The following KCNH5 variants were observed in gnomAD, a reference collection of about 807,000 sequenced individuals.
The protein encoded by KCNH5 is voltage-gated delayed rectifier potassium channel KCNH5.
A neutral mutation model predicts 96.1 loss-of-function variants in KCNH5; 46 were observed. The ratio of observed to expected loss-of-function variants is 0.48; its 90% confidence interval spans 0.38 to 0.61. KCNH5 has a LOEUF of 0.61. Ranked by LOEUF, KCNH5 falls within the 20% of genes least tolerant of loss-of-function variation. KCNH5 has a pLI of 0.00. For missense variants in KCNH5, 907 were observed against 1,225.8 expected, an observed-to-expected ratio of 0.74 and a Z score of 3.88; for synonymous variants, 439 against 449.8, an observed-to-expected ratio of 0.98 and a Z score of 0.30.
At chr14:62,909,713 CCA>C (rs1889112352) in intron 7 of KCNH5, among the ~76,000 whole-genome samples, 1 of 151,988 alleles carries the variant, frequency 6.6e-6, no homozygotes, top group Non-Finnish European at 1.5e-5. Context: ...TGCTCACCCG[CCA>C]CCCACACCCC....
chr14:62,979,518 C>A lies in KCNH5; in HGVS notation c.942+1354G>T, dbSNP rs567653570. Among the ~76,000 whole-genome samples, 219 of 151,972 alleles carry A rather than the reference C, an allele frequency of 1.4e-3. 2 individuals are homozygous for A. The highest frequency in any genetic ancestry group is 5.0e-3 in the African/African-American group (207 of 41,488). Reference sequence around the variant, plus strand: ...AGAAAAGTTTCAATCTATCTCCCAACACACATAGAGAAATAATATATTACA... The same window carrying A: ...AGAAAAGTTTCAATCTATCTCCCAAAACACATAGAGAAATAATATATTACA... On this transcript the variant is annotated intron_variant, in intron 6 of 10. Coordinates refer to ENST00000322893, the MANE Select transcript of KCNH5 (RefSeq NM_139318.5).
chr14:62,786,424 A>T (rs928572584), intron 9 of KCNH5, among the ~76,000 whole-genome samples: 1 of 152,144 alleles, frequency 6.6e-6, no homozygotes, highest in Non-Finnish European at 1.5e-5. Context: ...TTGAGATTTA[A>T]CATGTAACAT....
chr14:63,020,006 C>A (rs900031576), intron 1 of KCNH5, among the ~76,000 whole-genome samples: 1 of 151,972 alleles, frequency 6.6e-6, no homozygotes. Flanking sequence ...TCAAAATAAG[C>A]AAGTAACTTA....
At chr14:62,712,234 C>A in intron 10 of KCNH5, 1 of 157,950 alleles carries the variant, frequency 6.3e-6, no homozygotes, top group Admixed American at 6.1e-5. Context: ...TTTGAATTGA[C>A]TTTATAGGAT....
chr14:62,950,032 C>T (rs753857233), intron 7 of KCNH5, 101 bp downstream of exon 7: 1 of 958,576 alleles, frequency 1.0e-6, no homozygotes, highest in South Asian at 1.6e-5. Flanking sequence ...GGATTAAATA[C>T]CTTTCTGTAA....
At position 62,752,074 on chromosome 14, in the gene KCNH5, A is replaced by G. The variant is rs368305916; in HGVS notation, c.2019+27654T>C. Among the ~76,000 whole-genome samples, 28 of 152,242 alleles carry G rather than the reference A, an allele frequency of 1.8e-4. 1 individual carries two copies. In the South Asian group the frequency reaches 5.8e-3, roughly 32 times the overall value. On this transcript the variant is annotated intron_variant, in intron 10 of 10. Coordinates refer to ENST00000322893, the MANE Select transcript of KCNH5 (RefSeq NM_139318.5). ...ATTCCTTCATCCCTTCCAACCAACA[A>G]GTGACCACATAATCTCTCCTCCCCA...
intron 7 of KCNH5, among the ~76,000 whole-genome samples, chr14:62,853,494 A>ATATATATATATATG (rs375695583): frequency 3.9e-5 from 4 of 102,072 alleles, no homozygotes; most frequent in African/African-American, 1.0e-4. Context: ...ATATATATAT[A>ATATATATATATATG]ATCTTGGCCA....
At chr14:62,991,985 T>C (rs1257729413) in intron 4 of KCNH5, among the ~76,000 whole-genome samples, 5 of 151,980 alleles carry the variant, frequency 3.3e-5, no homozygotes, top group Non-Finnish European at 4.4e-5. Flanking sequence ...TCCCACGCCT[T>C]CACCCTCCCA....
intron 7 of KCNH5, among the ~76,000 whole-genome samples, chr14:62,883,440 A>T (rs1888532427): frequency 6.6e-6 from 1 of 152,184 alleles, no homozygotes; most frequent in Admixed American, 6.5e-5. Flanking sequence ...GGACAAGGGT[A>T]ACTCTGCTGC....
At chr14:62,867,594 T>G (rs1465627031) in intron 7 of KCNH5, among the ~76,000 whole-genome samples, 1 of 152,236 alleles carries the variant, frequency 6.6e-6, no homozygotes, top group Non-Finnish European at 1.5e-5. Context: ...TTACAATATA[T>G]TCTCAACACA....
chr14:62,877,443 C>G (rs1472116269), intron 7 of KCNH5, among the ~76,000 whole-genome samples: 1 of 152,184 alleles, frequency 6.6e-6, no homozygotes, highest in African/African-American at 2.4e-5. Context: ...GCAACCTACT[C>G]ATGTGACAAA....
chr14:62,940,816 A>G (rs1305368253), intron 7 of KCNH5, among the ~76,000 whole-genome samples: 1 of 152,178 alleles, frequency 6.6e-6, no homozygotes, highest in Non-Finnish European at 1.5e-5. Context: ...TCATTCATTA[A>G]TTCATTCAAC....
At chr14:62,877,194 C>A (rs893782216) in intron 7 of KCNH5, among the ~76,000 whole-genome samples, 20 of 151,866 alleles carry the variant, frequency 1.3e-4, no homozygotes, top group Middle Eastern at 3.4e-3. Flanking sequence ...AAAATTAATT[C>A]AAGATGGATT....
intron 8 of KCNH5, among the ~76,000 whole-genome samples, chr14:62,812,726 T>A (rs1449070949): frequency 6.6e-6 from 1 of 152,104 alleles, no homozygotes; most frequent in Non-Finnish European, 1.5e-5. Context: ...AAATGCTTTT[T>A]AATATTTATT....
chr14:62,948,163 T>C (rs999087611), intron 7 of KCNH5, among the ~76,000 whole-genome samples: 1 of 152,196 alleles, frequency 6.6e-6, no homozygotes, highest in Admixed American at 6.5e-5. Flanking sequence ...GAACGCATCA[T>C]TTTTTATGGC....
chr14:63,041,257 T>TA (rs568548423), intron 1 of KCNH5, among the ~76,000 whole-genome samples: 56 of 152,306 alleles, frequency 3.7e-4, no homozygotes, highest in Non-Finnish European at 6.0e-4. Context: ...TAAAAACAGT[T>TA]ACTTTCTTCC....
intron 8 of KCNH5, among the ~76,000 whole-genome samples, chr14:62,818,103 TGG>T (rs71120236): frequency 5.0e-5 from 2 of 39,936 alleles, no homozygotes; most frequent in South Asian, 1.9e-3. Flanking sequence ...TACCAGGAGC[TGG>T]GGGCGGGGGG....
chr14:62,708,257 A>G lies in KCNH5; in HGVS notation c.2218T>C (p.Ser740Pro). ...ERNQLQVESR[S>P]LQNGASITGT... Reference sequence around the variant, plus strand: ...GTGATGGAGGCTCCATTCTGTAAGGAGCGGCTCTCTACCTGGAGTTGGTTC... The same window carrying G: ...GTGATGGAGGCTCCATTCTGTAAGGGGCGGCTCTCTACCTGGAGTTGGTTC... The change falls in exon 11 of 11, where the codon TCC (serine) becomes CCC (proline). Residue 740 changes from serine (S) to proline (P), a missense_variant. Around this residue, in one of 6 missense-constraint regions of KCNH5, gnomAD observed 362 missense variants for 394.4 expected, o/e 0.92. Transcript: ENST00000322893. 3 of 1,614,128 alleles carry G rather than the reference A, an allele frequency of 1.9e-6. No individual in the cohort carries two copies. The highest frequency in any genetic ancestry group is 2.5e-6 in the Non-Finnish European group (3 of 1,180,012).
chr14:62,876,276 G>C (rs573949631), intron 7 of KCNH5, among the ~76,000 whole-genome samples: 1 of 152,290 alleles, frequency 6.6e-6, no homozygotes, highest in East Asian at 1.9e-4. Context: ...AAAGACTTAA[G>C]ATGTTACCCT....
Sources: allele counts gnomAD v4.1 joint callset (sites outside exome capture counted in the v4.1 genomes callset), GRCh38; gene constraint gnomAD v4.1.1; regional missense constraint gnomAD v4.1.1; transcripts MANE v1.5; gene names NCBI Gene and HGNC (gene_info 2026-07-23, HGNC 2026-07-21).